The following LPCAT3 variants were observed in gnomAD, a reference collection of about 807,000 sequenced individuals.
LPCAT3 encodes lysophosphatidylcholine acyltransferase 3.
In LPCAT3, 21 loss-of-function variants were observed where a neutral mutation model predicts 63.4. That is an observed-to-expected ratio of 0.33 (90% CI 0.23 to 0.48). The LOEUF is 0.48. Ranked by LOEUF, LPCAT3 falls within the 20% of genes least tolerant of loss-of-function variation. The pLI is 0.99. For synonymous variants in LPCAT3, 242 were observed against 227.5 expected, an observed-to-expected ratio of 1.06 and a Z score of -0.58; for missense variants, 451 against 590.6, an observed-to-expected ratio of 0.76 and a Z score of 2.45.
rs1555153582 is a variant in LPCAT3 at position 6,978,335 on chromosome 12, G to C, written c.1040+6C>G. On this transcript the variant is annotated splice_donor_region_variant and intron_variant, in intron 9 of 12. Coordinates refer to ENST00000261407, the MANE Select transcript of LPCAT3 (RefSeq NM_005768.6). ...CCAGGGTCCAGGCTCCCCACCAGCAGCTCACCGGGCCACCCAGGCGTTGGT... is the reference window on the plus strand; with the variant it reads ...CCAGGGTCCAGGCTCCCCACCAGCACCTCACCGGGCCACCCAGGCGTTGGT... 1 of 1,603,094 alleles carries C rather than the reference G, an allele frequency of 6.2e-7. No individual in the cohort carries two copies.
At position 6,981,729 on chromosome 12, in the gene LPCAT3, G is replaced by A. The variant is rs1408102757; in HGVS notation, c.460+82C>T. On this transcript the variant is annotated intron_variant, in intron 4 of 12. Transcript: ENST00000261407. ...CAGCCAGAAGTGTATGGCGGGGGGC[G>A]GAGGGGGGGTGCCGAGGAAGTTTTT... 5.6e-5 allele frequency: 77 copies of A among 1,365,862 alleles called. No individual in the cohort carries two copies. In the African/African-American group the frequency reaches 7.3e-4, roughly 13 times the overall value. The allele number at this position is 1,365,862 out of a possible 1,614,324, so 84.6% of individuals were successfully genotyped here.
chr12:6,994,029 G>A (rs1946612744), intron 1 of LPCAT3, among the ~76,000 whole-genome samples: 1 of 152,180 alleles, frequency 6.6e-6, no homozygotes, highest in Non-Finnish European at 1.5e-5. Context: ...TAGAGACAGG[G>A]TCTCACTATG....
chr12:7,009,279 T>A (rs963938925), intron 1 of LPCAT3, among the ~76,000 whole-genome samples: 1 of 152,192 alleles, frequency 6.6e-6, no homozygotes, highest in Admixed American at 6.5e-5. Context: ...CAGGCTAGTC[T>A]CCAACTCCTG....
intron 9 of LPCAT3, 49 bp downstream of exon 9, chr12:6,978,292 G>C (rs782427938): frequency 6.4e-7 from 1 of 1,563,684 alleles, no homozygotes; most frequent in Non-Finnish European, 8.7e-7. Flanking sequence ...AATCTGGGAA[G>C]ACAGTGGAAG....
chr12:7,005,494 C>T (rs1409043992), intron 1 of LPCAT3, among the ~76,000 whole-genome samples: 1 of 152,192 alleles, frequency 6.6e-6, no homozygotes, highest in Non-Finnish European at 1.5e-5. Context: ...TAACTGTGAA[C>T]TTTTTGAGGA....
At position 6,990,688 on chromosome 12, in the gene LPCAT3, C is replaced by A. The variant is rs782424912; in HGVS notation, c.152-7149G>T. Among the ~76,000 whole-genome samples the A allele has an allele frequency of 2.0e-5, 3 of 151,060 alleles. No individual in the cohort carries two copies. In the South Asian group the frequency reaches 6.2e-4, roughly 31 times the overall value. ...CTGTAATCCCAATGCTTTGGGAGGC[C>A]GAGGTGGGTGGATCACTTGAGGTCA... On this transcript the variant is annotated intron_variant, in intron 1 of 12. Coordinates refer to ENST00000261407, the MANE Select transcript of LPCAT3 (RefSeq NM_005768.6).
chr12:6,999,257 C>G (rs1555156333), intron 1 of LPCAT3, among the ~76,000 whole-genome samples: 2 of 152,218 alleles, frequency 1.3e-5, no homozygotes, highest in African/African-American at 4.8e-5. Flanking sequence ...TGAAAGTTAC[C>G]TCCACCTAAA....
chr12:7,002,426 C>A (rs1946694205), intron 1 of LPCAT3, among the ~76,000 whole-genome samples: 1 of 152,198 alleles, frequency 6.6e-6, no homozygotes, highest in Non-Finnish European at 1.5e-5. Context: ...TGCCACACTG[C>A]CAAGTGCCTA....
In LPCAT3 at chr12:6,978,342, G is replaced by T; in HGVS notation, c.1039C>A (p.Arg347Ser). The change falls in exon 9 of 13, where the codon CGC becomes AGC. Residue 347 changes from arginine to serine, a missense_variant and splice_region_variant. Arg to Ser is a moderately radical substitution (Grantham distance 110). Transcript: ENST00000261407. ...CCAGGCTCCCCACCAGCAGCTCACC[G>T]GGCCACCCAGGCGTTGGTGTTGATG... Reference protein sequence around the residue: ...FNINTNAWVARYIFKRLKFLG... With the variant: ...FNINTNAWVASYIFKRLKFLG... 1 of 1,606,386 alleles carries T rather than the reference G, an allele frequency of 6.2e-7. No homozygotes were observed. The highest frequency in any genetic ancestry group is 2.2e-5 in the East Asian group (1 of 44,768).
chr12:7,006,385 G>T (rs1591556984), intron 1 of LPCAT3, among the ~76,000 whole-genome samples: 1 of 152,186 alleles, frequency 6.6e-6, no homozygotes, highest in Admixed American at 6.5e-5. Context: ...CACCCAGTTA[G>T]TTTTTGTATT....
At chr12:6,982,897 GAAT>G (rs1350972373) in intron 2 of LPCAT3, 115 bp from the exon 3 acceptor site, 2 of 689,456 alleles carry the variant, frequency 2.9e-6, no homozygotes, top group Non-Finnish European at 5.2e-6. Context: ...TTTTTTTTCA[GAAT>G]AACCTCATGT....
At chr12:6,980,837 A>G in intron 6 of LPCAT3, 167 bp downstream of exon 6, 2 of 528,352 alleles carry the variant, frequency 3.8e-6, no homozygotes, top group Non-Finnish European at 6.5e-6. Context: ...AGAACCCTAA[A>G]CTAAAAAGGG....
Position 6,982,938 on chromosome 12 carries a change from TTAAAA to T in LPCAT3, c.260-161_260-157del, listed in dbSNP as rs1406135261. On this transcript the variant is annotated intron_variant, in intron 2 of 12. Transcript: ENST00000261407. ...TGGAGGAGAGGATGGAAATTATTTATTAAAATAAAAAAGATTATTAGGGTGTTATT... is the reference window on the plus strand; with the variant it reads ...TGGAGGAGAGGATGGAAATTATTTATTAAAAAAGATTATTAGGGTGTTATT... 5 of 666,802 alleles carry T rather than the reference TTAAAA, an allele frequency of 7.5e-6. No individual in the cohort carries two copies. The Admixed American group carries it at 7.6e-5, about 10-fold the overall frequency. The allele number at this position is 666,802 out of a possible 1,614,324, so 41.3% of individuals were successfully genotyped here. A position where few individuals can be genotyped will look rare whatever the true frequency, so the allele number is the denominator to read the frequency against.
chr12:6,978,751 C>T, intron 7 of LPCAT3, 62 bp from the exon 8 acceptor site: 1 of 1,594,580 alleles, frequency 6.3e-7, no homozygotes. Context: ...TCTCTCAGCA[C>T]TCTTCCTTTT....
chr12:7,014,610 C>T (rs934551115), intron 1 of LPCAT3, among the ~76,000 whole-genome samples: 21 of 151,898 alleles, frequency 1.4e-4, no homozygotes, highest in Admixed American at 7.2e-4. Context: ...CGGCTGGGCG[C>T]GGTGGCTCAT....
intron 1 of LPCAT3, among the ~76,000 whole-genome samples, chr12:6,993,629 C>T (rs1014440046): frequency 3.9e-5 from 6 of 152,100 alleles, no homozygotes; most frequent in Admixed American, 6.5e-5. Flanking sequence ...ATATAAATGG[C>T]GTCAGGCAAT....
chr12:7,003,465 CTTAT>C (rs1946704054), intron 1 of LPCAT3, among the ~76,000 whole-genome samples: 1 of 151,530 alleles, frequency 6.6e-6, no homozygotes, highest in Admixed American at 6.6e-5. Flanking sequence ...TCAATGTTCA[CTTAT>C]TTATTTTATT....
intron 1 of LPCAT3, among the ~76,000 whole-genome samples, chr12:7,016,568 C>T (rs1191069294): frequency 2.0e-5 from 3 of 152,168 alleles, no homozygotes; most frequent in African/African-American, 4.8e-5. Flanking sequence ...TGTGCCCCTG[C>T]GCCTGGCCTA....
At chr12:6,983,901 G>A (rs782812554) in intron 1 of LPCAT3, among the ~76,000 whole-genome samples, 7 of 152,130 alleles carry the variant, frequency 4.6e-5, no homozygotes, top group African/African-American at 7.2e-5. Context: ...CCAGCACTCT[G>A]GGAGGCTGAG....
Sources: allele counts gnomAD v4.1 joint callset (sites outside exome capture counted in the v4.1 genomes callset), GRCh38; gene constraint gnomAD v4.1.1; transcripts MANE v1.5; gene names NCBI Gene and HGNC (gene_info 2026-07-23, HGNC 2026-07-21).